The following SHISA6 variants were observed in gnomAD, a reference collection of about 807,000 sequenced individuals.
SHISA6 encodes protein shisa-6.
A neutral mutation model predicts 47.9 loss-of-function variants in SHISA6; 22 were observed. The observed-to-expected ratio is 0.46, with a 90% CI of 0.33 to 0.66. The LOEUF (loss-of-function observed/expected upper bound fraction) is 0.66, where lower values mean the gene tolerates loss of function less well. Among genes scored for constraint, SHISA6 ranks in the 30% least tolerant of loss-of-function variants. The pLI, the probability that SHISA6 is intolerant of heterozygous loss-of-function variation, is 0.02. For missense variants in SHISA6, 680 were observed against 764.6 expected (o/e 0.89, Z 1.30); for synonymous variants, 388 against 337.8 (o/e 1.15, Z -1.63).
At chr17:11,523,668 A>C (rs778488558) in intron 3 of SHISA6, among the ~76,000 whole-genome samples, 1 of 152,174 alleles carries the variant, frequency 6.6e-6, no homozygotes, top group Non-Finnish European at 1.5e-5. Context: ...GATACTTCAT[A>C]CAGCTATTTA....
Position 11,460,757 on chromosome 17 carries a change from C to T in SHISA6, c.895+81248C>T, listed in dbSNP as rs142124106. Reference sequence around the variant, plus strand: ...GGTAGGTAAGGAAGTGAGGCCAAGGCGACATTGGGGCCTGAGACATTGAGA... The same window carrying T: ...GGTAGGTAAGGAAGTGAGGCCAAGGTGACATTGGGGCCTGAGACATTGAGA... On this transcript the variant is annotated intron_variant, in intron 3 of 5. Coordinates refer to ENST00000441885, the MANE Select transcript of SHISA6 (RefSeq NM_207386.4). Among the ~76,000 whole-genome samples, 174 of 152,244 alleles carry T rather than the reference C, an allele frequency of 1.1e-3. 1 individual carries two copies. Among genetic ancestry groups the T allele is most frequent in the African/African-American group, 3.4e-3 (140 of 41,554 alleles).
Position 11,242,005 on chromosome 17 carries a change from G to A in SHISA6, c.583G>A (p.Ala195Thr), listed in dbSNP as rs1907379424. Reference protein sequence around the residue: ...IAFVIVAGVFAKVSYDKAHRP... With the variant: ...IAFVIVAGVFTKVSYDKAHRP... ...CTTCGTCATCGTGGCCGGCGTCTTC[G>A]CCAAGGTCTCCTACGACAAGGCCCA... Residue 195 changes from alanine (A) to threonine (T), a missense_variant, in exon 1 of 6, where the codon GCC becomes ACC. Coordinates refer to ENST00000441885, the MANE Select transcript of SHISA6 (RefSeq NM_207386.4). 2 of 1,550,888 alleles carry A rather than the reference G, an allele frequency of 1.3e-6. No homozygotes were observed. The highest frequency in any genetic ancestry group is 1.7e-6 in the Non-Finnish European group (2 of 1,147,018).
chr17:11,299,690 ATC>A (rs557478465), intron 2 of SHISA6, among the ~76,000 whole-genome samples: 1 of 151,828 alleles, frequency 6.6e-6, no homozygotes, highest in Non-Finnish European at 1.5e-5. Flanking sequence ...CATCACTCCA[ATC>A]TCTGTTTTCC....
chr17:11,455,460 C>T (rs957776118), intron 3 of SHISA6, among the ~76,000 whole-genome samples: 1 of 152,120 alleles, frequency 6.6e-6, no homozygotes, highest in Non-Finnish European at 1.5e-5. Flanking sequence ...CTTAGGAGAA[C>T]AAAACTGTTT....
chr17:11,551,973 C>A, intron 4 of SHISA6, 21 bp downstream of exon 4: 1 of 1,550,730 alleles, frequency 6.4e-7, no homozygotes, highest in Admixed American at 2.0e-5. Context: ...ATTGAGAGCA[C>A]TCTGCATTTC....
intron 3 of SHISA6, among the ~76,000 whole-genome samples, chr17:11,502,329 A>G (rs1597554882): frequency 6.9e-6 from 1 of 143,978 alleles, no homozygotes; most frequent in East Asian, 2.2e-4. Context: ...GAATGGCGTG[A>G]ACCCGGGAGG....
chr17:11,514,396 A>G (rs1020670566), intron 3 of SHISA6, among the ~76,000 whole-genome samples: 3 of 152,170 alleles, frequency 2.0e-5, no homozygotes, highest in African/African-American at 7.2e-5. Context: ...GCATGTTTGT[A>G]AGGCATGATG....
At chr17:11,335,234 G>T (rs927074973) in intron 2 of SHISA6, among the ~76,000 whole-genome samples, 1 of 152,120 alleles carries the variant, frequency 6.6e-6, no homozygotes, top group East Asian at 1.9e-4. Context: ...ATCCCATATC[G>T]CAGGCCTCTA....
At chr17:11,293,008 A>G (rs1001028155) in intron 2 of SHISA6, among the ~76,000 whole-genome samples, 1 of 151,860 alleles carries the variant, frequency 6.6e-6, no homozygotes, top group Non-Finnish European at 1.5e-5. Flanking sequence ...TATTTTTAGT[A>G]GAGACGGGGT....
At chr17:11,466,665 C>T (rs923263262) in intron 3 of SHISA6, among the ~76,000 whole-genome samples, 7 of 152,110 alleles carry the variant, frequency 4.6e-5, no homozygotes, top group African/African-American at 1.7e-4. Flanking sequence ...CCTCAAAGAC[C>T]CACTTACATA....
rs1475496980 is a variant in SHISA6 at position 11,531,536 on chromosome 17, C to A, written c.896-20360C>A. Among the ~76,000 whole-genome samples the A allele has an allele frequency of 2.6e-5, 4 of 152,150 alleles. No individual in the cohort carries two copies. In the East Asian group the frequency reaches 7.7e-4, roughly 29 times the overall value. On this transcript the variant is annotated intron_variant, in intron 3 of 5. Transcript: ENST00000441885. ...AGTACCCACAGCTGTGTGACCTGGA[C>A]AGGCCACTGCACCATGCCTTAGTTT...
intron 2 of SHISA6, among the ~76,000 whole-genome samples, chr17:11,313,989 AG>A (rs1910421950): frequency 6.6e-6 from 1 of 152,182 alleles, no homozygotes. Context: ...GAGGCAAAAG[AG>A]GTATCTGGGA....
chr17:11,328,590 G>T (rs560745836), intron 2 of SHISA6, among the ~76,000 whole-genome samples: 2 of 152,296 alleles, frequency 1.3e-5, no homozygotes, highest in African/African-American at 4.8e-5. Context: ...AATAAATTGC[G>T]TGTGTGTGTT....
rs532981020 is a variant in SHISA6 at position 11,356,145 on chromosome 17, T to C, written c.800-23269T>C. On this transcript the variant is annotated intron_variant, in intron 2 of 5. Coordinates refer to ENST00000441885, the MANE Select transcript of SHISA6 (RefSeq NM_207386.4). ...AAAGATAAGACCAGCAAATGAGGCATGCATTGTAGAATTAGCTTAATGAGC... is the reference window on the plus strand; with the variant it reads ...AAAGATAAGACCAGCAAATGAGGCACGCATTGTAGAATTAGCTTAATGAGC... Among the ~76,000 whole-genome samples, 6 of 152,354 alleles carry C rather than the reference T, an allele frequency of 3.9e-5. No homozygotes were observed. The South Asian group carries it at 1.2e-3, about 32-fold the overall frequency.
intron 3 of SHISA6, among the ~76,000 whole-genome samples, chr17:11,395,063 G>A (rs1288485068): frequency 4.2e-5 from 6 of 143,036 alleles, no homozygotes; most frequent in South Asian, 2.3e-4. Flanking sequence ...GTGCAGTGGC[G>A]CGATCTCGGC....
intron 3 of SHISA6, among the ~76,000 whole-genome samples, chr17:11,408,551 T>A (rs953264751): frequency 1.3e-5 from 2 of 152,230 alleles, no homozygotes; most frequent in Non-Finnish European, 2.9e-5. Flanking sequence ...CATTTAAGTA[T>A]CTTGTCCTCA....
At chr17:11,302,866 G>T (rs1909976499) in intron 2 of SHISA6, among the ~76,000 whole-genome samples, 1 of 152,050 alleles carries the variant, frequency 6.6e-6, no homozygotes. Flanking sequence ...TCATCCAGGT[G>T]GAGAGGAGGG....
chr17:11,247,392 C>T (rs986195917), intron 1 of SHISA6, among the ~76,000 whole-genome samples: 2 of 152,182 alleles, frequency 1.3e-5, no homozygotes, highest in African/African-American at 4.8e-5. Context: ...AGAATTCCTA[C>T]CACATGCTGG....
Position 11,551,916 on chromosome 17 carries a change from C to A in SHISA6, c.916C>A (p.Pro306Thr), listed in dbSNP as rs1284843966. Residue 306 changes from proline to threonine, a missense_variant, in exon 4 of 6, where the codon CCG (proline) becomes ACG (threonine). Pro to Thr is a conservative substitution (Grantham distance 38). Around this residue, in one of 2 missense-constraint regions of SHISA6, gnomAD observed 559 missense variants for 674.1 expected, o/e 0.83. Coordinates refer to ENST00000441885, the MANE Select transcript of SHISA6 (RefSeq NM_207386.4). Reference protein sequence around the residue: ...HTKGDHQYNHPILSSVTQIPP... With the variant: ...HTKGDHQYNHTILSSVTQIPP... ...TTCAGGTGATCATCAATATAACCAT[C>A]CGATTTTGAGCAGTGTTACCCAGAT... 1.9e-6 allele frequency: 3 copies of A among 1,551,664 alleles called. No individual in the cohort carries two copies. In the Admixed American group the frequency reaches 5.9e-5, roughly 30 times the overall value.
Sources: gnomAD v4.1 joint callset for allele counts (sites outside exome capture counted in the v4.1 genomes callset) on GRCh38, gnomAD v4.1.1 for gene constraint, gnomAD v4.1.1 regional missense constraint, MANE v1.5 for transcripts, NCBI Gene and HGNC (gene_info 2026-07-23, HGNC 2026-07-21) for gene names.